Variants in ARSD observed in about 807,000 individuals in gnomAD.
ARSD encodes the protein arylsulfatase D.
ARSD carries 21 observed loss-of-function variants against 32.6 expected under a neutral mutation model. The ratio of observed to expected loss-of-function variants is 0.64; its 90% CI spans 0.46 to 0.93. The LOEUF (loss-of-function observed/expected upper bound fraction) is 0.93, where lower values mean the gene tolerates loss of function less well. ARSD is among the 40% of genes least tolerant of loss of function. The probability of loss-of-function intolerance (pLI) is 0.00; values close to 1 mark genes in which losing one functional copy is unlikely to be tolerated. For synonymous variants in ARSD, 224 were observed against 237.4 expected (o/e 0.94, Z 0.52); for missense variants, 454 against 520.9 (o/e 0.87, Z 1.25).
rs1346254168 is a variant in ARSD at position 2,910,608 on chromosome X, G to A, written c.1135+51C>T. 2.5e-6 allele frequency: 3 copies of A among 1,205,088 alleles called. No individual in the cohort carries two copies. The African/African-American group carries it at 5.3e-5, about 21-fold the overall frequency. The stretch of plus-strand genomic sequence containing the variant: ...TCAACTTGTTCTGGGACCCTCAGTG[G>A]TGGCAGATATTTGGTCGAATGCATA... On this transcript the variant is annotated intron_variant, in intron 7 of 9. Coordinates refer to ENST00000381154, the MANE Select transcript of ARSD (RefSeq NM_001669.4).
chrX:2,913,259 C>G lies in ARSD; in HGVS notation c.1000+2297G>C, dbSNP rs148835274. Among the ~76,000 whole-genome samples the G allele has an allele frequency of 6.5e-3, 725 of 112,054 alleles. 9 individuals carry two copies. Among genetic ancestry groups the G allele is most frequent in the African/African-American group, 0.022 (673 of 30,836 alleles). ...ATGATAAGGAGTTGTGGAGACCAAG[C>G]TTTTATCATGCAGATGAAGCCTCTA... is the stretch of plus-strand genomic sequence containing the variant. On this transcript the variant is annotated intron_variant, in intron 6 of 9. Transcript: ENST00000381154.
chrX:2,923,235 G>A, intron 2 of ARSD: 1 of 245,169 alleles, frequency 4.1e-6, no homozygotes, highest in Non-Finnish European at 7.9e-6. Flanking sequence ...GCACTTTGGG[G>A]GGCTAAGGTG....
chrX:2,913,431 T>C (rs1428188028), intron 6 of ARSD: 1 of 670,601 alleles, frequency 1.5e-6, no homozygotes, highest in South Asian at 7.7e-5. Context: ...GGTTAAATTT[T>C]AGGGTGCCCT....
chrX:2,912,406 C>T (rs772311478), intron 6 of ARSD, among the ~76,000 whole-genome samples: 13 of 111,245 alleles, frequency 1.2e-4, no homozygotes, highest in African/African-American at 3.9e-4. Context: ...AACCAAGGTA[C>T]GTCTTACACG....
At chrX:2,923,436 C>A (rs1196786839) in intron 2 of ARSD, 16 of 126,464 alleles carry the variant, frequency 1.3e-4, no homozygotes, top group Non-Finnish European at 2.4e-4. Context: ...GCATTCCAGC[C>A]TGGGCAACAG....
chrX:2,917,791 G>T lies in ARSD; in HGVS notation c.863+13C>A. The T allele has an allele frequency of 8.4e-7, 1 of 1,196,230 alleles. No homozygotes were observed. The highest frequency in any genetic ancestry group is 1.1e-6 in the Non-Finnish European group (1 of 885,644). On this transcript the variant is annotated intron_variant, in intron 5 of 9. Coordinates refer to ENST00000381154, the MANE Select transcript of ARSD (RefSeq NM_001669.4). ...CGGCCCCATCTCCTCTTTAAGATGC[G>T]ATGGTTGCTTACCTTTCAATATAGG...
At chrX:2,925,127 T>A (rs1228883346) in intron 2 of ARSD, among the ~76,000 whole-genome samples, 5 of 112,497 alleles carry the variant, frequency 4.4e-5, no homozygotes, top group Non-Finnish European at 9.4e-5. Flanking sequence ...TTTGCAAACG[T>A]CATCAACAGA....
At chrX:2,908,035 T>C in intron 9 of ARSD, 1 of 629,710 alleles carries the variant, frequency 1.6e-6, no homozygotes, top group Non-Finnish European at 1.9e-6. Context: ...GGTACTTATC[T>C]ATCTATCGCT....
chrX:2,912,915 T>C (rs1196887220), intron 6 of ARSD, among the ~76,000 whole-genome samples: 1 of 112,410 alleles, frequency 8.9e-6, no homozygotes, highest in Non-Finnish European at 1.9e-5. Context: ...CACAAGGTCA[T>C]CTGTAGCTCT....
chrX:2,915,849 G>A (rs1025874776), intron 5 of ARSD, among the ~76,000 whole-genome samples, 157 bp from the exon 6 acceptor site: 10 of 111,470 alleles, frequency 9.0e-5, no homozygotes, highest in Non-Finnish European at 1.7e-4. Context: ...AATAAATGGT[G>A]GGCCAGGCGT....
chrX:2,919,844 T>G (rs1372317606), intron 4 of ARSD, among the ~76,000 whole-genome samples: 1 of 111,077 alleles, frequency 9.0e-6, no homozygotes, highest in African/African-American at 3.3e-5. Context: ...AGGAATATGG[T>G]GCATCCTGTG....
At chrX:2,907,815 C>T (rs1200463388) in intron 9 of ARSD, 183 bp from the exon 10 acceptor site, 16 of 996,071 alleles carry the variant, frequency 1.6e-5, no homozygotes, top group African/African-American at 3.9e-5. Context: ...TGTGTGTGCG[C>T]GCGTGCGCCC....
chrX:2,914,417 A>T, intron 6 of ARSD: 1 of 262,114 alleles, frequency 3.8e-6, no homozygotes, highest in Non-Finnish European at 4.9e-6. Context: ...TTTTGTAGAG[A>T]TGGGGGGGGG....
chrX:2,926,009 T>A (rs1247176560), intron 1 of ARSD, among the ~76,000 whole-genome samples: 1 of 111,967 alleles, frequency 8.9e-6, no homozygotes, highest in Non-Finnish European at 1.9e-5. Flanking sequence ...AGAGAGTTTT[T>A]AATTCTGTAA....
chrX:2,909,906 C>T lies in ARSD; in HGVS notation c.1209G>A (p.Pro403=), dbSNP rs1368517265. 9 of 1,208,314 alleles carry T rather than the reference C, an allele frequency of 7.4e-6. No individual in the cohort carries two copies. The highest frequency in any genetic ancestry group is 3.5e-5 in the South Asian group (2 of 56,651). The change falls in exon 8 of 10, where the codon CCG becomes CCA. Residue 403 remains proline (P), a synonymous_variant. Transcript: ENST00000381154. ...PGIFHWPGVL[P]AGRVIGEPTS... ...TGGGCTCTCCAATCACTCGGCCGGC[C>T]GGGAGCACCCCCGGCCAGTGGAAGA...
Position 2,918,084 on chromosome X carries a change from C to A in ARSD, c.583G>T (p.Ala195Ser). The A allele has an allele frequency of 8.3e-7, 1 of 1,200,439 alleles. No individual in the cohort carries two copies. Among genetic ancestry groups the A allele is most frequent in the Non-Finnish European group, 1.1e-6 (1 of 889,463 alleles). Reference sequence around the variant, plus strand: ...TAACCCCAGAGCTGCGCCCTCAGGGCGGCGTCCACTTCGGGGGGCCTGCCT... The same window carrying A: ...TAACCCCAGAGCTGCGCCCTCAGGGAGGCGTCCACTTCGGGGGGCCTGCCT... ...DPGRPPEVDA[A>S]LRAQLWGYTQ... Residue 195 changes from alanine to serine, a missense_variant, in exon 5 of 10, where the codon GCC (alanine) becomes TCC (serine). Around this residue, in one of 3 missense-constraint regions of ARSD, gnomAD observed 271 missense variants for 301.0 expected, o/e 0.90. Transcript: ENST00000381154.
chrX:2,929,306 T>C lies in ARSD; in HGVS notation c.-31A>G. ...AGCGCTGGCCCAGAGCGCAGGACCT[T>C]GCCCTGCGCACTCCGCGCCCGGGCG... On this transcript the variant is annotated 5_prime_UTR_variant, in exon 1 of 10. Transcript: ENST00000381154. The C allele has an allele frequency of 1.0e-6, 1 of 952,565 alleles. No individual in the cohort carries two copies. Among genetic ancestry groups the C allele is most frequent in the Non-Finnish European group, 1.3e-6 (1 of 764,142 alleles). The allele number at this position is 952,565 out of a possible 1,213,427, so 78.5% of individuals were successfully genotyped here. A position where few individuals can be genotyped will look rare whatever the true frequency, so the allele number is the denominator to read the frequency against.
intron 6 of ARSD, among the ~76,000 whole-genome samples, chrX:2,913,108 C>A (rs1351842492): frequency 8.9e-6 from 1 of 111,912 alleles, no homozygotes; most frequent in Non-Finnish European, 1.9e-5. Context: ...ATGAGACATC[C>A]ATCGCTACAT....
At chrX:2,921,170 T>G (rs774314007) in intron 3 of ARSD, among the ~76,000 whole-genome samples, 19 of 111,424 alleles carry the variant, frequency 1.7e-4, no homozygotes, top group Non-Finnish European at 1.3e-4. Context: ...ACAGACGCCA[T>G]GTGATCTATC....
Sources: allele counts gnomAD v4.1 joint callset (sites outside exome capture counted in the v4.1 genomes callset), GRCh38; gene constraint gnomAD v4.1.1; regional missense constraint gnomAD v4.1.1; transcripts MANE v1.5; gene names NCBI Gene and HGNC (gene_info 2026-07-23, HGNC 2026-07-21).